Variants in CUX2 observed in about 807,000 individuals in gnomAD.
CUX2 encodes the protein cut like homeobox 2, also known as homeobox protein cut-like 2.
A neutral mutation model predicts 144.8 loss-of-function variants in CUX2; 40 were observed. That is an observed-to-expected ratio of 0.28 (90% CI 0.21 to 0.36). CUX2 has a LOEUF of 0.36. Ranked by LOEUF, CUX2 falls within the 10% of genes least tolerant of loss-of-function variation. The pLI is 1.00. For synonymous variants in CUX2, 827 were observed against 875.6 expected, an observed-to-expected ratio of 0.94 and a Z score of 0.98; for missense variants, 1,615 against 1,994.0, an observed-to-expected ratio of 0.81 and a Z score of 3.62.
intron 1 of CUX2, among the ~76,000 whole-genome samples, chr12:111,135,970 C>T (rs1875856468): frequency 6.6e-6 from 1 of 152,102 alleles, no homozygotes; most frequent in South Asian, 2.1e-4. Context: ...ATATGCACTC[C>T]TACAATTAGT....
rs977813400 is a variant in CUX2 at position 111,037,730 on chromosome 12, G to A, written c.63+3490G>A. On this transcript the variant is annotated intron_variant, in intron 1 of 21. Coordinates refer to ENST00000261726, the MANE Select transcript of CUX2 (RefSeq NM_015267.4). This position sits in a 1 kb window ranked among gnomAD's most constrained non-coding sequence, Gnocchi z 5.4. ...TTTTATGGCTTTTCTGTGTATAATC[G>A]TCGTAACCGGATTCATACCTTTATG... 2.0e-5 allele frequency among the ~76,000 whole-genome samples: 3 copies of A among 151,706 alleles called. No homozygotes were observed. The highest frequency in any genetic ancestry group is 4.4e-5 in the Non-Finnish European group (3 of 67,978).
At chr12:111,199,139 T>G (rs1206287624) in intron 1 of CUX2, among the ~76,000 whole-genome samples, 2 of 150,916 alleles carry the variant, frequency 1.3e-5, no homozygotes, top group African/African-American at 4.9e-5. Flanking sequence ...GCAGTGGGAG[T>G]GGGTATTATT....
At chr12:111,290,890 T>A (rs1208490565) in intron 4 of CUX2, among the ~76,000 whole-genome samples, 1 of 136,040 alleles carries the variant, frequency 7.4e-6, no homozygotes, top group Non-Finnish European at 1.6e-5. Context: ...TGAGATGGAG[T>A]CTTGCTCTAT....
At chr12:111,145,538 T>C (rs1443832496) in intron 1 of CUX2, among the ~76,000 whole-genome samples, 2 of 152,066 alleles carry the variant, frequency 1.3e-5, no homozygotes, top group Non-Finnish European at 2.9e-5. Context: ...CCAACTAATT[T>C]TTTTACTATA....
intron 1 of CUX2, among the ~76,000 whole-genome samples, chr12:111,076,707 T>C (rs1871555174): frequency 6.6e-6 from 1 of 152,232 alleles, no homozygotes; most frequent in Admixed American, 6.5e-5. Flanking sequence ...GAGAGTCTTA[T>C]ATTTTCCCCT....
At chr12:111,217,401 G>A (rs75217304) in intron 2 of CUX2, among the ~76,000 whole-genome samples, 4 of 152,124 alleles carry the variant, frequency 2.6e-5, no homozygotes, top group South Asian at 2.1e-4. Flanking sequence ...GTAGGGTCAC[G>A]GAGACCTTGC....
intron 1 of CUX2, among the ~76,000 whole-genome samples, chr12:111,093,436 G>A (rs1027900104): frequency 7.9e-5 from 12 of 151,968 alleles, no homozygotes; most frequent in South Asian, 6.2e-4. Flanking sequence ...AAGTAAGTGC[G>A]TGTTTGCAAC....
intron 3 of CUX2, among the ~76,000 whole-genome samples, chr12:111,223,398 C>T (rs1327615077): frequency 1.3e-5 from 2 of 152,212 alleles, no homozygotes; most frequent in Non-Finnish European, 2.9e-5. Flanking sequence ...GCAGTATCTC[C>T]ATCCCATGCA....
At position 111,059,091 on chromosome 12, in the gene CUX2, A is replaced by G. The variant is rs1345054409; in HGVS notation, c.63+24851A>G. Among the ~76,000 whole-genome samples, 1 of 152,216 alleles carries G rather than the reference A, an allele frequency of 6.6e-6. No homozygotes were observed. The highest frequency in any genetic ancestry group is 1.5e-5 in the Non-Finnish European group (1 of 68,046). ...TTTGTTCCCTTAACCGTAAACATCT[A>G]GAGGCTCGGAATGCTGAACTTTCTG... On this transcript the variant is annotated intron_variant, in intron 1 of 21. Coordinates refer to ENST00000261726, the MANE Select transcript of CUX2 (RefSeq NM_015267.4). The surrounding 1 kb of genome is among the most constrained non-coding windows in gnomAD (Gnocchi z 5.3).
At chr12:111,049,566 A>C (rs1215778247) in intron 1 of CUX2, among the ~76,000 whole-genome samples, 1 of 152,254 alleles carries the variant, frequency 6.6e-6, no homozygotes, top group African/African-American at 2.4e-5. Context: ...CTGGCCCTGC[A>C]GGCCTGTGAG....
intron 1 of CUX2, among the ~76,000 whole-genome samples, chr12:111,133,203 C>T (rs1875614693): frequency 6.6e-6 from 1 of 152,178 alleles, no homozygotes; most frequent in South Asian, 2.1e-4. Context: ...GCCCTCTAAA[C>T]TGTTCCAACC....
At chr12:111,195,325 A>G (rs1339957472) in intron 1 of CUX2, among the ~76,000 whole-genome samples, 1 of 151,940 alleles carries the variant, frequency 6.6e-6, no homozygotes, top group African/African-American at 2.4e-5. Context: ...CTGACAACCT[A>G]TATTCTAAGT....
chr12:111,232,163 G>A (rs1358048839), intron 3 of CUX2, among the ~76,000 whole-genome samples: 8 of 151,724 alleles, frequency 5.3e-5, no homozygotes, highest in Non-Finnish European at 8.8e-5. Context: ...CCGAGATCGC[G>A]CCACTGCACT....
chr12:111,147,956 T>C (rs1876802249), intron 1 of CUX2, among the ~76,000 whole-genome samples: 1 of 152,166 alleles, frequency 6.6e-6, no homozygotes, highest in Admixed American at 6.5e-5. Context: ...TCCAATACAA[T>C]GCTGCAGCCA....
At position 111,235,436 on chromosome 12, in the gene CUX2, C is replaced by T. The variant is rs575121917; in HGVS notation, c.222+17499C>T. ...TGCTTTGGAGCACTTAAGAATGAGA[C>T]GAGCGGCCAGGCACAGTGGCTCATG... On this transcript the variant is annotated intron_variant, in intron 3 of 21. Transcript: ENST00000261726. 4.6e-5 allele frequency among the ~76,000 whole-genome samples: 7 copies of T among 152,020 alleles called. No individual in the cohort carries two copies. The South Asian group carries it at 1.0e-3, about 23-fold the overall frequency.
chr12:111,121,369 C>CTTTTTTTTTTTTTTTTTTTTTTTTTTCT (rs5800920), intron 1 of CUX2, among the ~76,000 whole-genome samples: 1 of 59,038 alleles, frequency 1.7e-5, no homozygotes, highest in Non-Finnish European at 3.2e-5. Flanking sequence ...TTTCTTTTTT[C>CTTTTTTTTTTTTTTTTTTTTTTTTTTCT]TTTTTTTTTT....
chr12:111,270,532 C>T (rs1884588054), intron 4 of CUX2: 1 of 151,892 alleles, frequency 6.6e-6, no homozygotes, highest in Non-Finnish European at 1.5e-5. Flanking sequence ...ATTTAAACCT[C>T]TCTGACTTCT....
chr12:111,335,920 T>TA (rs57479156), intron 19 of CUX2, among the ~76,000 whole-genome samples: 122 of 140,304 alleles, frequency 8.7e-4, no homozygotes, highest in Admixed American at 2.9e-3. Context: ...AAAGTTAAAT[T>TA]AAAAAAAAAA....
chr12:111,180,451 G>T (rs1198177189), intron 1 of CUX2, among the ~76,000 whole-genome samples: 1 of 152,172 alleles, frequency 6.6e-6, no homozygotes, highest in Non-Finnish European at 1.5e-5. Context: ...GCTAAGAAAT[G>T]ATCCTTCAGC....
Sources: allele counts gnomAD v4.1 joint callset (sites outside exome capture counted in the v4.1 genomes callset), GRCh38; gene constraint gnomAD v4.1.1; non-coding constraint Gnocchi (gnomAD v3.1); transcripts MANE v1.5; gene names NCBI Gene and HGNC (gene_info 2026-07-23, HGNC 2026-07-21).